Variants in MYRIP observed in about 807,000 individuals in gnomAD.
MYRIP encodes rab effector MyRIP.
MYRIP carries 49 observed loss-of-function variants against 98.0 expected under a neutral mutation model. The observed-to-expected ratio is 0.50, with a 90% CI of 0.40 to 0.63. The LOEUF (loss-of-function observed/expected upper bound fraction) is 0.63. Among genes scored for constraint, MYRIP ranks in the 30% least tolerant of loss-of-function variants. The pLI is 0.00. For synonymous variants in MYRIP, 404 were observed against 409.5 expected, an observed-to-expected ratio of 0.99 and a Z score of 0.16; for missense variants, 1,004 against 1,058.2, an observed-to-expected ratio of 0.95 and a Z score of 0.71.
At chr3:39,828,965 A>G (rs1178959449) in intron 1 of MYRIP, among the ~76,000 whole-genome samples, 2 of 152,122 alleles carry the variant, frequency 1.3e-5, no homozygotes, top group Admixed American at 1.3e-4. Context: ...TTTCAAATAA[A>G]GACTTCTTTT....
chr3:40,210,338 C>A (rs1470391355), intron 11 of MYRIP, among the ~76,000 whole-genome samples: 1 of 152,172 alleles, frequency 6.6e-6, no homozygotes, highest in Non-Finnish European at 1.5e-5. Flanking sequence ...ATCAAGACAG[C>A]CCCTTGGCTT....
chr3:39,893,083 A>C (rs943826560), intron 1 of MYRIP, among the ~76,000 whole-genome samples: 4 of 152,176 alleles, frequency 2.6e-5, no homozygotes, highest in Non-Finnish European at 4.4e-5. Flanking sequence ...TAAAACCCAA[A>C]ACTCTTTTAT....
At chr3:40,165,676 A>T (rs1462680927) in intron 5 of MYRIP, among the ~76,000 whole-genome samples, 1 of 152,000 alleles carries the variant, frequency 6.6e-6, no homozygotes, top group African/African-American at 2.4e-5. Flanking sequence ...GGGAAACAGA[A>T]CTTTTCCCAG....
intron 1 of MYRIP, among the ~76,000 whole-genome samples, chr3:39,823,680 G>A (rs909662608): frequency 6.6e-6 from 1 of 152,030 alleles, no homozygotes; most frequent in Non-Finnish European, 1.5e-5. Context: ...TAGAGCATTT[G>A]CCTTCTTTTT....
At chr3:40,168,604 A>T (rs532388563) in intron 7 of MYRIP, among the ~76,000 whole-genome samples, 39 of 152,266 alleles carry the variant, frequency 2.6e-4, no homozygotes, top group Non-Finnish European at 4.6e-4. Context: ...CAGTAGCTGC[A>T]CTTCAAGCTA....
chr3:40,025,653 G>A (rs750798834), intron 2 of MYRIP, among the ~76,000 whole-genome samples: 2 of 152,094 alleles, frequency 1.3e-5, no homozygotes, highest in Non-Finnish European at 2.9e-5. Flanking sequence ...GAGAAATAAA[G>A]AGAAAGAGTG....
rs193213360 is a variant in MYRIP, at chr3:39,918,372, C to T, written c.110+17446C>T. 7.0e-4 allele frequency among the ~76,000 whole-genome samples: 106 copies of T among 152,232 alleles called. 1 individual carries two copies. The highest frequency in any genetic ancestry group is 5.4e-3 in the Admixed American group (83 of 15,280). ...AATGCCTTAGCCTCTGCCAGAGGAC[C>T]CTCTTCCCTGAATGCTCATGTGTGG... On this transcript the variant is annotated intron_variant, in intron 2 of 16. Transcript: ENST00000302541.
chr3:39,977,405 C>T (rs1019225194), intron 2 of MYRIP, among the ~76,000 whole-genome samples: 4 of 152,092 alleles, frequency 2.6e-5, no homozygotes, highest in Admixed American at 6.6e-5. Flanking sequence ...CCCCAGTTGA[C>T]GATGGAATTG....
At chr3:40,073,117 G>C (rs1228781158) in intron 3 of MYRIP, among the ~76,000 whole-genome samples, 1 of 152,166 alleles carries the variant, frequency 6.6e-6, no homozygotes, top group African/African-American at 2.4e-5. Flanking sequence ...CAAATTGAAG[G>C]AGAAGCTAAA....
chr3:40,097,747 T>C (rs992263842), intron 3 of MYRIP, among the ~76,000 whole-genome samples: 6 of 152,344 alleles, frequency 3.9e-5, no homozygotes, highest in Admixed American at 2.6e-4. Context: ...CCTGTGTCTC[T>C]GTAGACAGAA....
intron 2 of MYRIP, among the ~76,000 whole-genome samples, chr3:39,974,882 T>C (rs576546312): frequency 1.0e-3 from 156 of 152,154 alleles, no homozygotes; most frequent in African/African-American, 3.8e-3. Flanking sequence ...ATAAATTAGG[T>C]ATGGATGGGA....
chr3:40,167,051 A>G (rs1175527444), intron 6 of MYRIP, 108 bp downstream of exon 6: 1 of 1,376,516 alleles, frequency 7.3e-7, no homozygotes, highest in Non-Finnish European at 1.0e-6. Context: ...AGCTCTGACT[A>G]GAGCAAGGCC....
intron 1 of MYRIP, among the ~76,000 whole-genome samples, chr3:39,835,816 T>C (rs1941602214): frequency 6.6e-6 from 1 of 152,168 alleles, no homozygotes; most frequent in African/African-American, 2.4e-5. Context: ...ATTTTTCAAC[T>C]CCCACTTATG....
intron 10 of MYRIP, among the ~76,000 whole-genome samples, chr3:40,205,417 A>C (rs1951765511): frequency 6.6e-6 from 1 of 152,138 alleles, no homozygotes; most frequent in East Asian, 1.9e-4. Context: ...AAATGAGGAC[A>C]CAAGGGAATG....
intron 1 of MYRIP, among the ~76,000 whole-genome samples, chr3:39,827,099 T>C (rs574239036): frequency 1.3e-5 from 2 of 152,258 alleles, no homozygotes; most frequent in South Asian, 2.1e-4. Context: ...GTTTTGCATT[T>C]TAATTTTTAA....
At chr3:40,180,728 G>T (rs1253468381) in intron 8 of MYRIP, among the ~76,000 whole-genome samples, 3 of 152,154 alleles carry the variant, frequency 2.0e-5, no homozygotes, top group African/African-American at 4.8e-5. Context: ...TGTAACACTT[G>T]GTTCACAGCT....
At chr3:40,188,740 GC>G (rs1951110095) in intron 9 of MYRIP, among the ~76,000 whole-genome samples, 3 of 151,410 alleles carry the variant, frequency 2.0e-5, no homozygotes, top group Admixed American at 2.0e-4. Context: ...TCGTGCCATT[GC>G]ACTGCAGCCT....
chr3:39,844,015 C>A (rs1941887222), intron 1 of MYRIP, among the ~76,000 whole-genome samples: 1 of 152,200 alleles, frequency 6.6e-6, no homozygotes, highest in Admixed American at 6.5e-5. Flanking sequence ...GAGACCTCCA[C>A]AGATGTCATC....
At chr3:39,941,516 TATACA>T (rs1203235723) in intron 2 of MYRIP, among the ~76,000 whole-genome samples, 1 of 151,642 alleles carries the variant, frequency 6.6e-6, no homozygotes, top group Non-Finnish European at 1.5e-5. Flanking sequence ...TGTGTATATA[TATACA>T]CACACACACT....
Sources: gnomAD v4.1 joint callset for allele counts (sites outside exome capture counted in the v4.1 genomes callset) on GRCh38, gnomAD v4.1.1 for gene constraint, MANE v1.5 for transcripts, NCBI Gene and HGNC (gene_info 2026-07-23, HGNC 2026-07-21) for gene names.